PGPEP1: variants seen among roughly 807,000 people sequenced by gnomAD.
PGPEP1 encodes pyroglutamyl-peptidase 1.
In PGPEP1, 15 loss-of-function variants were observed where a neutral mutation model predicts 24.1. The ratio of observed to expected loss-of-function variants is 0.62; its 90% confidence interval spans 0.42 to 0.96. The LOEUF is 0.96. PGPEP1 is among the 40% of genes least tolerant of loss of function. The pLI, the probability that PGPEP1 is intolerant of heterozygous loss-of-function variation, is 0.00. For synonymous variants in PGPEP1, 122 were observed against 116.4 expected, an observed-to-expected ratio of 1.05 and a Z score of -0.31; for missense variants, 242 against 273.4, an observed-to-expected ratio of 0.89 and a Z score of 0.81.
chr19:18,346,528 CCTTT>C (rs1970848454), intron 2 of PGPEP1, among the ~76,000 whole-genome samples: 1 of 151,936 alleles, frequency 6.6e-6, no homozygotes, highest in Middle Eastern at 3.4e-3. Context: ...CTGTCTCTTT[CCTTT>C]CTTCTATCTG....
intron 2 of PGPEP1, among the ~76,000 whole-genome samples, chr19:18,350,977 A>T (rs1029858645): frequency 2.6e-5 from 4 of 151,654 alleles, no homozygotes; most frequent in African/African-American, 7.3e-5. Context: ...AAATCTTTTT[A>T]AAAACTTTAC....
rs556979104 is a variant in PGPEP1, at chr19:18,363,768, T to C, written c.*185T>C. The C allele has an allele frequency of 1.8e-5, 9 of 504,920 alleles. No homozygotes were observed. The East Asian group carries it at 2.8e-4, about 16-fold the overall frequency. 31.3% of individuals were successfully genotyped at this position (504,920 alleles called of 1,614,324 possible). On this transcript the variant is annotated 3_prime_UTR_variant, in exon 5 of 5. Coordinates refer to ENST00000269919, the MANE Select transcript of PGPEP1 (RefSeq NM_017712.4). ...AAAGCTCCGGTTGATTCGAGGGAAG[T>C]GGTGAAAATTTTTTTTTCTCCCATT... is the stretch of plus-strand genomic sequence containing the variant.
intron 2 of PGPEP1, among the ~76,000 whole-genome samples, chr19:18,351,228 G>A (rs1971013706): frequency 6.6e-6 from 1 of 151,944 alleles, no homozygotes; most frequent in African/African-American, 2.4e-5. Context: ...TCGCGCCACT[G>A]CACTCCAGCC....
At chr19:18,346,637 T>C (rs905094922) in intron 2 of PGPEP1, among the ~76,000 whole-genome samples, 182 of 109,128 alleles carry the variant, frequency 1.7e-3, no homozygotes, top group Non-Finnish European at 3.2e-3. Context: ...TTCTCTCTTT[T>C]TTTTTTTTTT....
At chr19:18,354,628 C>G (rs1237067385) in intron 2 of PGPEP1, among the ~76,000 whole-genome samples, 1 of 152,110 alleles carries the variant, frequency 6.6e-6, no homozygotes, top group Admixed American at 6.6e-5. Context: ...GGTAATCCTC[C>G]CATCTCAGCC....
At chr19:18,359,380 C>T (rs1225301899) in intron 4 of PGPEP1, among the ~76,000 whole-genome samples, 2 of 152,154 alleles carry the variant, frequency 1.3e-5, no homozygotes, top group African/African-American at 2.4e-5. Context: ...ATATCCATTG[C>T]ACTCCAGACA....
chr19:18,364,374 A>C lies in PGPEP1; in HGVS notation c.*791A>C, dbSNP rs1467655193. On this transcript the variant is annotated 3_prime_UTR_variant, in exon 5 of 5. Coordinates refer to ENST00000269919, the MANE Select transcript of PGPEP1 (RefSeq NM_017712.4). The stretch of plus-strand genomic sequence containing the variant: ...CATGCCTGTAATCCCAGCACTTTGG[A>C]AGGCCAGGGTGGGCGGATCACCTGA... The C allele has an allele frequency of 6.6e-6, 1 of 151,860 alleles. No individual in the cohort carries two copies. The highest frequency in any genetic ancestry group is 2.1e-4 in the South Asian group (1 of 4,814). The allele number at this position is 151,860 out of a possible 1,614,324, so 9.4% of individuals were successfully genotyped here.
intron 2 of PGPEP1, among the ~76,000 whole-genome samples, chr19:18,355,548 A>G (rs911239468): frequency 2.0e-5 from 3 of 152,240 alleles, no homozygotes; most frequent in African/African-American, 4.8e-5. Context: ...GGCCTGAGCC[A>G]TCAGGCCTAG....
At chr19:18,360,657 T>G (rs1971320154) in intron 4 of PGPEP1, among the ~76,000 whole-genome samples, 1 of 152,026 alleles carries the variant, frequency 6.6e-6, no homozygotes, top group Non-Finnish European at 1.5e-5. Context: ...CCTGAGTAGC[T>G]GGGATTACAG....
intron 2 of PGPEP1, among the ~76,000 whole-genome samples, chr19:18,351,897 G>A (rs977895503): frequency 6.6e-6 from 1 of 151,868 alleles, no homozygotes; most frequent in Non-Finnish European, 1.5e-5. Flanking sequence ...GGCCAAGGGG[G>A]GGCTGATCAC....
At chr19:18,356,103 G>C (rs1463391774) in intron 3 of PGPEP1, 92 bp downstream of exon 3, 3 of 771,242 alleles carry the variant, frequency 3.9e-6, no homozygotes, top group Non-Finnish European at 7.1e-6. Flanking sequence ...GTCCTGATCA[G>C]ATCACGTGAC....
At chr19:18,361,112 G>T (rs766816212) in intron 4 of PGPEP1, among the ~76,000 whole-genome samples, 11 of 151,760 alleles carry the variant, frequency 7.2e-5, no homozygotes, top group Non-Finnish European at 1.6e-4. Flanking sequence ...AATTACAGGT[G>T]TGAGCCTCCG....
chr19:18,342,994 T>A (rs1970718217), intron 2 of PGPEP1, 83 bp downstream of exon 2: 4 of 1,045,324 alleles, frequency 3.8e-6, no homozygotes, highest in East Asian at 2.4e-5. Context: ...GGTCCCCTTT[T>A]AACAAAAACT....
chr19:18,346,868 G>C (rs183770049), intron 2 of PGPEP1, among the ~76,000 whole-genome samples: 4 of 151,742 alleles, frequency 2.6e-5, no homozygotes, highest in African/African-American at 7.2e-5. Flanking sequence ...TTGAACTCCC[G>C]ACCTCAGGTG....
intron 2 of PGPEP1, among the ~76,000 whole-genome samples, chr19:18,347,524 CTG>C (rs1461901677): frequency 6.6e-6 from 1 of 151,592 alleles, no homozygotes; most frequent in African/African-American, 2.4e-5. Context: ...GTTTCTCTCC[CTG>C]TGTGTGTCTC....
intron 2 of PGPEP1, among the ~76,000 whole-genome samples, chr19:18,352,285 A>AAAAAAAAAAAC: frequency 6.7e-6 from 1 of 149,752 alleles, no homozygotes; most frequent in Non-Finnish European, 1.5e-5. Flanking sequence ...AAAAAAAAAA[A>AAAAAAAAAAAC]AATTAGTTGG....
At chr19:18,348,968 G>T in intron 2 of PGPEP1, 1 of 235,570 alleles carries the variant, frequency 4.2e-6, no homozygotes, top group Non-Finnish European at 6.9e-6. Context: ...TCACTATATT[G>T]CCCTGGCTGG....
intron 1 of PGPEP1, 64 bp from the exon 2 acceptor site, chr19:18,342,795 C>T (rs1970709679): frequency 1.2e-5 from 15 of 1,303,336 alleles, no homozygotes; most frequent in Admixed American, 1.7e-5. Context: ...GAGTAGCGGC[C>T]AGGCCAGGGG....
At chr19:18,355,497 G>A (rs1971156265) in intron 2 of PGPEP1, among the ~76,000 whole-genome samples, 2 of 151,672 alleles carry the variant, frequency 1.3e-5, no homozygotes, top group Non-Finnish European at 2.9e-5. Flanking sequence ...CTGACCTCAG[G>A]TGATCCGCCC....
Sources: gnomAD v4.1 joint callset for allele counts (sites outside exome capture counted in the v4.1 genomes callset) on GRCh38, gnomAD v4.1.1 for gene constraint, MANE v1.5 for transcripts, NCBI Gene and HGNC (gene_info 2026-07-23, HGNC 2026-07-21) for gene names.